Variants in SAMD5 observed in about 807,000 individuals in gnomAD.
The protein encoded by SAMD5 is sterile alpha motif domain-containing protein 5.
Under a neutral mutation model 11.3 loss-of-function variants are expected in SAMD5, and 13 were observed. That is an observed-to-expected ratio of 1.15 (90% CI 0.75 to 1.83). The LOEUF (loss-of-function observed/expected upper bound fraction) is 1.83, where lower values mean the gene tolerates loss of function less well. Ranked by LOEUF, SAMD5 falls within the 40% of genes most tolerant of loss-of-function variation. The pLI is 0.00. For missense variants in SAMD5, 255 were observed against 239.1 expected, an observed-to-expected ratio of 1.07 and a Z score of -0.44; for synonymous variants, 129 against 111.3, an observed-to-expected ratio of 1.16 and a Z score of -1.00.
the SAMD5 span, among the ~76,000 whole-genome samples, chr6:147,748,876 T>A: frequency 1.3e-5 from 2 of 152,190 alleles, no homozygotes; most frequent in Non-Finnish European, 2.9e-5. Flanking sequence ...ACCCTATATA[T>A]GGGTTGAACC....
chr6:147,566,640 C>T lies in SAMD5; in HGVS notation c.*2184C>T. The T allele has an allele frequency of 1.0e-6, 1 of 980,422 alleles. No individual in the cohort carries two copies. The highest frequency in any genetic ancestry group is 1.2e-6 in the Non-Finnish European group (1 of 825,128). The allele number at this position is 980,422 out of a possible 1,614,324, so 60.7% of individuals were successfully genotyped here. Reference sequence around the variant, plus strand: ...AATTATTTTGCCAGGTTTAAACCTTCTCTCTGTGTCTGTGGTTAGAATTTG... The same window carrying T: ...AATTATTTTGCCAGGTTTAAACCTTTTCTCTGTGTCTGTGGTTAGAATTTG... On this transcript the variant is annotated 3_prime_UTR_variant, in exon 2 of 2. Coordinates refer to ENST00000367474, the MANE Select transcript of SAMD5 (RefSeq NM_001030060.3).
At chr6:147,863,324 G>A in the SAMD5 span, among the ~76,000 whole-genome samples, 1 of 152,132 alleles carries the variant, frequency 6.6e-6, no homozygotes, top group Non-Finnish European at 1.5e-5. Flanking sequence ...AAGAAAACTG[G>A]CAGGGGAGAC....
At chr6:147,709,819 C>A (rs1280026294) in intron 1 of SAMD5, among the ~76,000 whole-genome samples, 1 of 152,168 alleles carries the variant, frequency 6.6e-6, no homozygotes, top group African/African-American at 2.4e-5. Flanking sequence ...TGGTACCCAT[C>A]ATCTTTTCTC....
the SAMD5 span, among the ~76,000 whole-genome samples, chr6:147,888,067 A>G: frequency 6.6e-6 from 1 of 152,142 alleles, no homozygotes; most frequent in Non-Finnish European, 1.5e-5. Context: ...TTTATTCAAC[A>G]TGGGATTTGT....
At chr6:147,821,481 C>CA in the SAMD5 span, among the ~76,000 whole-genome samples, 1 of 152,190 alleles carries the variant, frequency 6.6e-6, no homozygotes, top group Admixed American at 6.5e-5. Context: ...AGGCAGCCAA[C>CA]AAAAGCTCTC....
the SAMD5 span, among the ~76,000 whole-genome samples, chr6:147,787,828 A>G: frequency 1.3e-5 from 2 of 152,210 alleles, no homozygotes; most frequent in South Asian, 2.1e-4. Context: ...CTTTTCCAAC[A>G]CAACATTCTT....
the SAMD5 span, among the ~76,000 whole-genome samples, chr6:147,816,301 A>AAAATATATATAT: frequency 6.8e-4 from 45 of 66,352 alleles, 1 homozygote; most frequent in African/African-American, 2.0e-3. Flanking sequence ...AAAAAAAAAA[A>AAAATATATATAT]ATATATATAT....
the SAMD5 span, among the ~76,000 whole-genome samples, chr6:147,861,486 G>T: frequency 6.6e-6 from 1 of 152,052 alleles, no homozygotes; most frequent in East Asian, 1.9e-4. Context: ...ATTTCTAAAA[G>T]TCACCTGGCG....
the SAMD5 span, among the ~76,000 whole-genome samples, chr6:147,857,193 T>G: frequency 6.6e-6 from 1 of 151,702 alleles, no homozygotes; most frequent in Non-Finnish European, 1.5e-5. Flanking sequence ...TTCGGTCACT[T>G]TGTTTGCCTA....
In SAMD5 at chr6:147,568,838, TAAAATC is replaced by T; in HGVS notation, c.*4386_*4391del. The T allele has an allele frequency of 1.1e-6, 1 of 948,492 alleles. No individual in the cohort carries two copies. The highest frequency in any genetic ancestry group is 1.3e-6 in the Non-Finnish European group (1 of 796,400). 58.8% of individuals were successfully genotyped at this position (948,492 alleles called of 1,614,324 possible). Reference sequence around the variant, plus strand: ...TTTACATTATTAATCTCTGAGGACATAAAATCAAATAACTTTCTAGTCCATGATCAT... The same window carrying T: ...TTTACATTATTAATCTCTGAGGACATAAATAACTTTCTAGTCCATGATCAT... On this transcript the variant is annotated 3_prime_UTR_variant, in exon 2 of 2. Coordinates refer to ENST00000367474, the MANE Select transcript of SAMD5 (RefSeq NM_001030060.3).
chr6:147,685,942 A>G (rs1791004709), intron 1 of SAMD5, among the ~76,000 whole-genome samples: 1 of 152,210 alleles, frequency 6.6e-6, no homozygotes, highest in African/African-American at 2.4e-5. Flanking sequence ...TGTAGGTGGA[A>G]AAGATACCAG....
chr6:147,764,771 C>T, the SAMD5 span, among the ~76,000 whole-genome samples: 5 of 152,162 alleles, frequency 3.3e-5, no homozygotes, highest in Admixed American at 6.5e-5. Context: ...GGCTCTATTT[C>T]GTCACATGGC....
At chr6:147,683,540 T>C (rs1353303132) in intron 1 of SAMD5, among the ~76,000 whole-genome samples, 1 of 152,242 alleles carries the variant, frequency 6.6e-6, no homozygotes, top group Non-Finnish European at 1.5e-5. Flanking sequence ...TTCCTCCTCT[T>C]CTTCCTCCCC....
At chr6:147,554,792 G>C (rs1398106776) in intron 1 of SAMD5, among the ~76,000 whole-genome samples, 1 of 152,198 alleles carries the variant, frequency 6.6e-6, no homozygotes, top group African/African-American at 2.4e-5. Flanking sequence ...TGATGACTTG[G>C]TTGGACGCTT....
At chr6:147,706,989 G>C (rs1397900784) in intron 1 of SAMD5, among the ~76,000 whole-genome samples, 1 of 152,120 alleles carries the variant, frequency 6.6e-6, no homozygotes, top group African/African-American at 2.4e-5. Context: ...TTAACTTACG[G>C]TGTAAATACA....
At chr6:147,579,387 G>T (rs753917941) in intron 1 of SAMD5, among the ~76,000 whole-genome samples, 4 of 151,462 alleles carry the variant, frequency 2.6e-5, no homozygotes, top group African/African-American at 4.9e-5. Context: ...CAGTGGCTTT[G>T]CAGTCTAGGC....
At chr6:147,880,195 G>C in the SAMD5 span, among the ~76,000 whole-genome samples, 8 of 152,108 alleles carry the variant, frequency 5.3e-5, no homozygotes, top group Non-Finnish European at 1.0e-4. Context: ...GTCCAAGGTT[G>C]TCTAAATAGG....
At chr6:147,948,776 C>A in the SAMD5 span, among the ~76,000 whole-genome samples, 2 of 151,974 alleles carry the variant, frequency 1.3e-5, no homozygotes, top group African/African-American at 4.8e-5. Context: ...ATCATCTGAG[C>A]TTAAAATGTT....
chr6:147,914,920 G>A, the SAMD5 span, among the ~76,000 whole-genome samples: 1 of 152,104 alleles, frequency 6.6e-6, no homozygotes, highest in Non-Finnish European at 1.5e-5. Context: ...AAAAAAGGGA[G>A]CAGGAAGTCT....
Sources: gnomAD v4.1 joint callset for allele counts (sites outside exome capture counted in the v4.1 genomes callset) on GRCh38, gnomAD v4.1.1 for gene constraint, MANE v1.5 for transcripts, NCBI Gene and HGNC (gene_info 2026-07-23, HGNC 2026-07-21) for gene names.